The following TMEM132C variants were observed in gnomAD, a reference collection of about 807,000 sequenced individuals.
The protein encoded by TMEM132C is transmembrane protein 132C.
A neutral mutation model predicts 61.4 loss-of-function variants in TMEM132C; 29 were observed. The ratio of observed to expected loss-of-function variants is 0.47; its 90% confidence interval spans 0.35 to 0.64. TMEM132C has a LOEUF of 0.64. Ranked by LOEUF, TMEM132C falls within the 30% of genes least tolerant of loss-of-function variation. TMEM132C has a pLI of 0.00. For missense variants in TMEM132C, 1,408 were observed against 1,476.9 expected (o/e 0.95, Z 0.76); for synonymous variants, 656 against 633.1 (o/e 1.04, Z -0.54).
At chr12:128,538,146 G>GTC (rs1490836847) in intron 2 of TMEM132C, among the ~76,000 whole-genome samples, 27 of 152,138 alleles carry the variant, frequency 1.8e-4, no homozygotes, top group Admixed American at 1.8e-3. Context: ...TTGAGATGGA[G>GTC]TCTCGTTCTT....
At chr12:128,428,294 A>G (rs1413614879) in intron 2 of TMEM132C, among the ~76,000 whole-genome samples, 1 of 152,178 alleles carries the variant, frequency 6.6e-6, no homozygotes, top group East Asian at 1.9e-4. Flanking sequence ...GGCATGAATG[A>G]TGTTCCTGGG....
chr12:128,471,810 A>G (rs1006239859), intron 2 of TMEM132C, among the ~76,000 whole-genome samples: 1 of 152,234 alleles, frequency 6.6e-6, no homozygotes, highest in Non-Finnish European at 1.5e-5. Flanking sequence ...CCAAGTATGT[A>G]GATGGTGGCT....
At chr12:128,623,967 C>G (rs1445012398) in intron 4 of TMEM132C, among the ~76,000 whole-genome samples, 1 of 152,186 alleles carries the variant, frequency 6.6e-6, no homozygotes, top group African/African-American at 2.4e-5. Context: ...TCTTCTTCCT[C>G]ACTTTCCAGG....
At chr12:128,366,229 T>A (rs1873865688) in intron 1 of TMEM132C, among the ~76,000 whole-genome samples, 1 of 152,156 alleles carries the variant, frequency 6.6e-6, no homozygotes, top group Non-Finnish European at 1.5e-5. Context: ...CAGACCTCTA[T>A]GCTGTCTGCT....
intron 1 of TMEM132C, among the ~76,000 whole-genome samples, chr12:128,341,011 A>G (rs551357059): frequency 6.7e-5 from 10 of 148,898 alleles, no homozygotes; most frequent in African/African-American, 2.5e-4. Context: ...AGTAATCTCA[A>G]CTCACTGCAG....
intron 1 of TMEM132C, among the ~76,000 whole-genome samples, chr12:128,382,687 T>C (rs1385341047): frequency 6.6e-5 from 10 of 152,204 alleles, no homozygotes; most frequent in Admixed American, 6.5e-4. Context: ...AGAGTCTTCC[T>C]TTCAACTCTC....
chr12:128,573,898 CAA>C (rs10689177), intron 3 of TMEM132C, among the ~76,000 whole-genome samples: 7 of 142,784 alleles, frequency 4.9e-5, no homozygotes, highest in Non-Finnish European at 7.6e-5. Context: ...TTTTTGCAAT[CAA>C]AAAAAAAAAA....
chr12:128,279,280 A>AT (rs1287157692), intron 1 of TMEM132C, among the ~76,000 whole-genome samples: 9 of 152,114 alleles, frequency 5.9e-5, no homozygotes, highest in East Asian at 3.9e-4. Flanking sequence ...TGGTGCTGTC[A>AT]TTTTTTTTAT....
chr12:128,280,637 A>G (rs1870861874), intron 1 of TMEM132C, among the ~76,000 whole-genome samples: 1 of 152,164 alleles, frequency 6.6e-6, no homozygotes, highest in African/African-American at 2.4e-5. Context: ...ATGTGACTTG[A>G]TCTGGGTATT....
intron 8 of TMEM132C, among the ~76,000 whole-genome samples, chr12:128,698,302 C>T (rs1251303383): frequency 6.6e-6 from 1 of 152,194 alleles, no homozygotes; most frequent in African/African-American, 2.4e-5. Flanking sequence ...GAGTTATCCA[C>T]GTAACACAGC....
chr12:128,395,663 A>C (rs1008482555), intron 1 of TMEM132C, among the ~76,000 whole-genome samples: 2 of 152,228 alleles, frequency 1.3e-5, no homozygotes, highest in African/African-American at 4.8e-5. Context: ...TATCTCATGT[A>C]ATTTGTTGAA....
intron 4 of TMEM132C, among the ~76,000 whole-genome samples, chr12:128,636,408 G>A (rs1250507807): frequency 6.6e-6 from 1 of 152,092 alleles, no homozygotes; most frequent in African/African-American, 2.4e-5. Context: ...TCAAAAATCT[G>A]CACATGTTTA....
In TMEM132C at chr12:128,629,869, G is replaced by A. The variant is rs998956299; in HGVS notation, c.1305+13534G>A. Among the ~76,000 whole-genome samples the A allele has an allele frequency of 4.6e-5, 7 of 151,716 alleles. No homozygotes were observed. In the South Asian group the frequency reaches 1.2e-3, roughly 27 times the overall value. On this transcript the variant is annotated intron_variant, in intron 4 of 8. Coordinates refer to ENST00000435159, the MANE Select transcript of TMEM132C (RefSeq NM_001136103.3). ...TAATCCCAGCTACTCGGGAGACTGA[G>A]GCAGGATAGTCACTTGAACCCGGGA...
In TMEM132C at chr12:128,427,859, C is replaced by T. The variant is rs1035704688; in HGVS notation, c.974+12239C>T. 4.6e-5 allele frequency among the ~76,000 whole-genome samples: 7 copies of T among 152,216 alleles called. No homozygotes were observed. The East Asian group carries it at 7.7e-4, about 17-fold the overall frequency. On this transcript the variant is annotated intron_variant, in intron 2 of 8. Coordinates refer to ENST00000435159, the MANE Select transcript of TMEM132C (RefSeq NM_001136103.3). ...TTTTGCTCTGATATTGCAAGCACTG[C>T]GGACATGCTTTCTTGATGAAGGCTT...
At chr12:128,533,713 C>T (rs12308251) in intron 2 of TMEM132C, among the ~76,000 whole-genome samples, 16,053 of 152,126 alleles carry the variant, frequency 0.11, 2,427 homozygotes, top group African/African-American at 0.32. Context: ...TCTCCATATA[C>T]GGTCACATTC....
At chr12:128,374,670 C>T (rs1223926200) in intron 1 of TMEM132C, among the ~76,000 whole-genome samples, 1 of 151,952 alleles carries the variant, frequency 6.6e-6, no homozygotes, top group Non-Finnish European at 1.5e-5. Flanking sequence ...GGGTAAGACA[C>T]ACAGGAGCCC....
At chr12:128,457,827 A>G (rs1272382463) in intron 2 of TMEM132C, among the ~76,000 whole-genome samples, 1 of 152,120 alleles carries the variant, frequency 6.6e-6, no homozygotes, top group Non-Finnish European at 1.5e-5. Flanking sequence ...TAATTTTCAT[A>G]TTCAACTGAT....
At chr12:128,287,005 C>A (rs578169354) in intron 1 of TMEM132C, among the ~76,000 whole-genome samples, 2 of 152,310 alleles carry the variant, frequency 1.3e-5, no homozygotes, top group South Asian at 2.1e-4. Flanking sequence ...AGAAGGGCAG[C>A]GGTTTTGCCA....
At chr12:128,664,768 C>T (rs1215605572) in intron 4 of TMEM132C, among the ~76,000 whole-genome samples, 1 of 152,162 alleles carries the variant, frequency 6.6e-6, no homozygotes, top group Non-Finnish European at 1.5e-5. Flanking sequence ...CCACCGCCAG[C>T]CAGCCATGCA....
Sources: gnomAD v4.1 joint callset for allele counts (sites outside exome capture counted in the v4.1 genomes callset) on GRCh38, gnomAD v4.1.1 for gene constraint, MANE v1.5 for transcripts, NCBI Gene and HGNC (gene_info 2026-07-23, HGNC 2026-07-21) for gene names.